The following POLR1C variants were observed in gnomAD, a reference collection of about 807,000 sequenced individuals.
POLR1C encodes the protein DNA-directed RNA polymerases I and III subunit RPAC1.
In POLR1C, 42 loss-of-function variants were observed where a neutral mutation model predicts 38.3. The ratio of observed to expected loss-of-function variants is 1.10; its 90% confidence interval spans 0.86 to 1.42. The LOEUF is 1.42. Ranked by LOEUF, POLR1C falls within the 40% of genes most tolerant of loss-of-function variation. The pLI is 0.00. For synonymous variants in POLR1C, 163 were observed against 163.9 expected (o/e 0.99, Z 0.04); for missense variants, 507 against 450.5 (o/e 1.13, Z -1.14).
chr6:43,530,835 GA>G (rs754399625), downstream of POLR1C: 2 of 1,597,804 alleles, frequency 1.3e-6, no homozygotes, highest in African/African-American at 1.4e-5. Flanking sequence ...CTGTAAAGGG[GA>G]AAAAAAGAGC....
At chr6:43,551,191 G>C in intron 10 of POLR1C, 1 of 1,226,414 alleles carries the variant, frequency 8.2e-7, no homozygotes, top group Non-Finnish European at 1.1e-6. Context: ...AGTAATTTGA[G>C]TCCAGCCTGG....
intron 10 of POLR1C, chr6:43,559,124 C>T (rs1762268178): frequency 6.6e-6 from 1 of 152,526 alleles, no homozygotes; most frequent in Non-Finnish European, 1.5e-5. Flanking sequence ...CAGTAAAACC[C>T]TGTCTCTACT....
exon 11 of POLR1C, chr6:43,561,602 C>G (rs1171938053): frequency 6.5e-6 from 1 of 153,160 alleles, no homozygotes; most frequent in Admixed American, 6.5e-5. Flanking sequence ...TAGTCTCAAA[C>G]TCTTGACCTC....
chr6:43,530,005 A>G (rs1379468745), downstream of POLR1C, among the ~76,000 whole-genome samples: 3 of 151,988 alleles, frequency 2.0e-5, no homozygotes, highest in Non-Finnish European at 4.4e-5. Flanking sequence ...CTGTAACCCC[A>G]GCACTTTGGG....
chr6:43,557,197 CG>C (rs1762138805), intron 10 of POLR1C, among the ~76,000 whole-genome samples: 1 of 147,450 alleles, frequency 6.8e-6, no homozygotes, highest in Non-Finnish European at 1.5e-5. Context: ...GAAGCCGAGG[CG>C]GGTGGATCAC....
At chr6:43,549,444 A>G in intron 9 of POLR1C, 1 of 1,551,674 alleles carries the variant, frequency 6.4e-7, no homozygotes, top group Non-Finnish European at 8.7e-7. Context: ...TTTACACACA[A>G]ATGTAACCAA....
rs543729152 is a variant in POLR1C, at chr6:43,521,192, G to A, written c.933G>A (p.Glu311=). The change falls in exon 9 of 9, where the codon GAG becomes GAA. Residue 311 remains glutamate (E), a synonymous_variant. Transcript: ENST00000642195. ...RVRDHYIFSV[E]STGVLPPDVL... is the part of the protein sequence containing the mutation. ...CTCTTTGGTCCCCAGTCTCTGTTGAGTCAACGGGGGTGTTGCCACCAGATG... is the reference window on the plus strand; with the variant it reads ...CTCTTTGGTCCCCAGTCTCTGTTGAATCAACGGGGGTGTTGCCACCAGATG... The A allele has an allele frequency of 1.9e-6, 3 of 1,614,124 alleles. No individual in the cohort carries two copies. The highest frequency in any genetic ancestry group is 1.3e-5 in the African/African-American group (1 of 75,042).
downstream of POLR1C, chr6:43,525,056 C>T: frequency 1.1e-5 from 18 of 1,576,170 alleles, no homozygotes; most frequent in Non-Finnish European, 1.6e-5. Flanking sequence ...AGTCAGTCTG[C>T]ATGACCCAAA....
chr6:43,521,823 G>A (rs1793207395), downstream of POLR1C, among the ~76,000 whole-genome samples: 3 of 152,086 alleles, frequency 2.0e-5, no homozygotes, highest in South Asian at 4.1e-4. Context: ...GTGAGCCACC[G>A]CGAAAAACAG....
intron 10 of POLR1C, chr6:43,560,312 A>C: frequency 6.9e-7 from 1 of 1,458,788 alleles, no homozygotes; most frequent in Non-Finnish European, 9.2e-7. Flanking sequence ...AACTAAAGAG[A>C]AAAAAAAAAG....
At chr6:43,524,789 A>G (rs1793451098), downstream of POLR1C, 2 of 1,595,946 alleles carry the variant, frequency 1.3e-6, no homozygotes, top group Non-Finnish European at 1.7e-6. Context: ...AGACTGAGTG[A>G]TGAAGCTGCA....
chr6:43,530,667 T>C (rs111861061), downstream of POLR1C: 3 of 1,610,684 alleles, frequency 1.9e-6, no homozygotes, highest in African/African-American at 2.7e-5. Context: ...TTGGGTTATG[T>C]AGAGACTTTT....
At chr6:43,546,696 A>G (rs1345685599) in intron 9 of POLR1C, 1 of 1,613,194 alleles carries the variant, frequency 6.2e-7, no homozygotes, top group Non-Finnish European at 8.5e-7. Context: ...CTTCTAGGTC[A>G]GTGGGCCAGC....
intron 8 of POLR1C, chr6:43,527,868 C>G: frequency 1.2e-6 from 1 of 839,280 alleles, no homozygotes. Context: ...TGGGAATGGA[C>G]AGCAGTGATC....
intron 9 of POLR1C, among the ~76,000 whole-genome samples, chr6:43,541,163 A>G (rs1794673014): frequency 2.0e-5 from 3 of 152,184 alleles, no homozygotes; most frequent in African/African-American, 7.2e-5. Context: ...AAAAACCCAC[A>G]AAGAATGAAT....
chr6:43,531,413 C>T, downstream of POLR1C: 2 of 1,459,568 alleles, frequency 1.4e-6, no homozygotes, highest in South Asian at 1.1e-5. Flanking sequence ...AAAGTCCAAC[C>T]CATGGACATT....
intron 10 of POLR1C, chr6:43,555,727 T>C (rs1358091962): frequency 7.7e-7 from 1 of 1,298,744 alleles, no homozygotes; most frequent in East Asian, 2.5e-5. Flanking sequence ...TATTTTTGAA[T>C]AGTATAAGTA....
downstream of POLR1C, chr6:43,525,029 G>A (rs762102119): frequency 2.8e-5 from 44 of 1,591,666 alleles, no homozygotes; most frequent in Non-Finnish European, 3.8e-5. Flanking sequence ...CAGCACCCCA[G>A]TTCTTCTGAA....
intron 10 of POLR1C, chr6:43,558,487 C>A: frequency 6.3e-7 from 1 of 1,581,150 alleles, no homozygotes; most frequent in South Asian, 1.2e-5. Flanking sequence ...AAATCCAAGG[C>A]CAACATCACT....
Sources: allele counts gnomAD v4.1 joint callset (sites outside exome capture counted in the v4.1 genomes callset), GRCh38; gene constraint gnomAD v4.1.1; transcripts MANE v1.5; gene names NCBI Gene and HGNC (gene_info 2026-07-23, HGNC 2026-07-21).